Variants in RIPOR2 observed in about 807,000 individuals in gnomAD.
RIPOR2 encodes the protein rho family-interacting cell polarization regulator 2.
A neutral mutation model predicts 114.5 loss-of-function variants in RIPOR2; 39 were observed. That is an observed-to-expected ratio of 0.34 (90% CI 0.26 to 0.44). RIPOR2 has a LOEUF of 0.44. RIPOR2 is among the 20% of genes least tolerant of loss of function. The pLI is 1.00. For synonymous variants in RIPOR2, 445 were observed against 484.4 expected, an observed-to-expected ratio of 0.92 and a Z score of 1.07; for missense variants, 1,007 against 1,255.1, an observed-to-expected ratio of 0.80 and a Z score of 2.99.
chr6:24,848,047 G>A lies in RIPOR2; in HGVS notation c.1142C>T (p.Thr381Ile), dbSNP rs765214729. Reference protein sequence around the residue: ...MYSQGTPETPTFKDHSFFSNL... With the variant: ...MYSQGTPETPIFKDHSFFSNL... ...TACAAAGAAGGAGTGGTCTTTGAAG[G>A]TGGGCGTTTCCGGGGTACCCTGGCT... The change falls in exon 12 of 22, where the codon ACC becomes ATC. Residue 381 changes from threonine to isoleucine, a missense_variant. Coordinates refer to ENST00000643898, the MANE Select transcript of RIPOR2 (RefSeq NM_001286445.3). 1 of 1,613,832 alleles carries A rather than the reference G, an allele frequency of 6.2e-7. No individual in the cohort carries two copies. Among genetic ancestry groups the A allele is most frequent in the African/African-American group, 1.3e-5 (1 of 74,924 alleles).
At chr6:24,821,590 C>A (rs926896183) in intron 19 of RIPOR2, among the ~76,000 whole-genome samples, 9 of 152,238 alleles carry the variant, frequency 5.9e-5, no homozygotes, top group Non-Finnish European at 1.0e-4. Context: ...TAGCTCTTTA[C>A]TAGACCTAAA....
intron 1 of RIPOR2, among the ~76,000 whole-genome samples, chr6:25,039,876 CA>C (rs1777393497): frequency 6.6e-6 from 1 of 152,180 alleles, no homozygotes; most frequent in African/African-American, 2.4e-5. Flanking sequence ...TCAATTATAT[CA>C]AAGAAAAAGA....
intron 1 of RIPOR2, among the ~76,000 whole-genome samples, chr6:24,958,384 G>A (rs7774462): frequency 0.31 from 46,913 of 151,802 alleles, 7,875 homozygotes; most frequent in Non-Finnish European, 0.38. Flanking sequence ...TTCTCACAAA[G>A]GCAACCTAAA....
chr6:25,022,423 T>G (rs1332573568), intron 1 of RIPOR2, among the ~76,000 whole-genome samples: 1 of 152,044 alleles, frequency 6.6e-6, no homozygotes, highest in Non-Finnish European at 1.5e-5. Flanking sequence ...TATTGCTGAG[T>G]CATATCTCAT....
At chr6:24,819,797 G>A (rs899358823) in intron 19 of RIPOR2, among the ~76,000 whole-genome samples, 3 of 150,982 alleles carry the variant, frequency 2.0e-5, no homozygotes, top group African/African-American at 2.4e-5. Context: ...TACTGCACCC[G>A]GCCAATTGTC....
At chr6:24,966,175 G>A (rs1295991443) in intron 1 of RIPOR2, among the ~76,000 whole-genome samples, 1 of 152,110 alleles carries the variant, frequency 6.6e-6, no homozygotes. Context: ...TCCCATCTGA[G>A]CCTGTCCTCA....
At chr6:25,021,275 C>T (rs1328368396) in intron 1 of RIPOR2, among the ~76,000 whole-genome samples, 2 of 152,026 alleles carry the variant, frequency 1.3e-5, no homozygotes, top group African/African-American at 2.4e-5. Context: ...CATTTCTGGA[C>T]AGGGTGACTA....
At chr6:24,807,968 C>T (rs1436807441) in intron 21 of RIPOR2, among the ~76,000 whole-genome samples, 1 of 152,116 alleles carries the variant, frequency 6.6e-6, no homozygotes, top group East Asian at 1.9e-4. Context: ...ATATTGACTT[C>T]AGGGGGGTCT....
intron 1 of RIPOR2, among the ~76,000 whole-genome samples, chr6:24,894,754 TAAC>T (rs1450792601): frequency 3.3e-5 from 5 of 152,160 alleles, no homozygotes; most frequent in Non-Finnish European, 7.4e-5. Flanking sequence ...ATAACAATAA[TAAC>T]AGCATTTCAG....
At chr6:24,849,994 A>G (rs774706297) in intron 10 of RIPOR2, 44 bp from the exon 11 acceptor site, 1 of 1,549,360 alleles carries the variant, frequency 6.5e-7, no homozygotes, top group Admixed American at 1.8e-5. Context: ...ATCACAGCAG[A>G]GGAGAAAGGT....
intron 1 of RIPOR2, among the ~76,000 whole-genome samples, chr6:24,932,882 C>A (rs1316517271): frequency 6.6e-6 from 1 of 152,112 alleles, no homozygotes; most frequent in East Asian, 1.9e-4. Flanking sequence ...ATGCGTGAAT[C>A]CTAGAACAAG....
At chr6:25,017,269 C>T (rs2113698751) in intron 1 of RIPOR2, among the ~76,000 whole-genome samples, 1 of 152,320 alleles carries the variant, frequency 6.6e-6, no homozygotes, top group African/African-American at 2.4e-5. Context: ...TTGCACTGAA[C>T]TGAGATTGCG....
intron 1 of RIPOR2, among the ~76,000 whole-genome samples, chr6:25,035,218 G>A (rs1777181570): frequency 6.6e-6 from 1 of 152,158 alleles, no homozygotes; most frequent in African/African-American, 2.4e-5. Context: ...GATAAACTTA[G>A]CAGGTGTCTA....
At chr6:24,917,282 A>T (rs1770151666) in intron 1 of RIPOR2, among the ~76,000 whole-genome samples, 1 of 152,172 alleles carries the variant, frequency 6.6e-6, no homozygotes, top group Admixed American at 6.5e-5. Context: ...ATGAGTCTTT[A>T]GTTCACATTT....
At chr6:24,920,261 C>T (rs1165063657) in intron 1 of RIPOR2, among the ~76,000 whole-genome samples, 3 of 152,202 alleles carry the variant, frequency 2.0e-5, no homozygotes, top group Non-Finnish European at 4.4e-5. Flanking sequence ...AGCTGAAATT[C>T]TATGAATGTA....
intron 1 of RIPOR2, among the ~76,000 whole-genome samples, chr6:24,973,037 G>C (rs892977756): frequency 6.6e-6 from 1 of 150,450 alleles, no homozygotes; most frequent in Non-Finnish European, 1.5e-5. Flanking sequence ...GCACAAATTT[G>C]AAAATAAAGT....
intron 18 of RIPOR2, among the ~76,000 whole-genome samples, chr6:24,827,427 G>C (rs4513786): frequency 0.76 from 114,934 of 152,182 alleles, 45,700 homozygotes; most frequent in East Asian, 0.97. Context: ...TGCCGTGCCA[G>C]ACTCACCTAG....
chr6:25,042,002 T>C, exon 1 of RIPOR2: 1 of 552,826 alleles, frequency 1.8e-6, no homozygotes, highest in Non-Finnish European at 3.2e-6. Context: ...GGAAGTTAAG[T>C]CCAGACGTAT....
chr6:24,848,418 C>G (rs1762534089), intron 11 of RIPOR2, among the ~76,000 whole-genome samples: 1 of 152,200 alleles, frequency 6.6e-6, no homozygotes, highest in South Asian at 2.1e-4. Context: ...TAGATACACC[C>G]GTTCCTCATT....
Sources: gnomAD v4.1 joint callset for allele counts (sites outside exome capture counted in the v4.1 genomes callset) on GRCh38, gnomAD v4.1.1 for gene constraint, MANE v1.5 for transcripts, NCBI Gene and HGNC (gene_info 2026-07-23, HGNC 2026-07-21) for gene names.